Variants in WRNIP1 observed in about 807,000 individuals in gnomAD.
The protein encoded by WRNIP1 is WRN helicase interacting protein 1.
In WRNIP1, 41 loss-of-function variants were observed where a neutral mutation model predicts 56.1. The observed-to-expected ratio is 0.73, with a 90% CI of 0.57 to 0.95. The LOEUF (loss-of-function observed/expected upper bound fraction) is 0.95, where lower values mean the gene tolerates loss of function less well. Among genes scored for constraint, WRNIP1 ranks in the 40% least tolerant of loss-of-function variants. The pLI is 0.00. For synonymous variants in WRNIP1, 547 were observed against 398.1 expected (o/e 1.37, Z -4.45); for missense variants, 1,170 against 939.4 (o/e 1.25, Z -3.21).
intron 3 of WRNIP1, among the ~76,000 whole-genome samples, chr6:2,775,596 A>G (rs2113471063): frequency 6.6e-6 from 1 of 152,352 alleles, no homozygotes; most frequent in African/African-American, 2.4e-5. Flanking sequence ...TCTCCAACTT[A>G]CATATCCAGC....
At chr6:2,775,404 A>C (rs902788353) in intron 3 of WRNIP1, among the ~76,000 whole-genome samples, 1 of 152,228 alleles carries the variant, frequency 6.6e-6, no homozygotes. Flanking sequence ...AACTTGATGC[A>C]TATCCCTGGT....
chr6:2,772,501 G>A (rs146952068), intron 3 of WRNIP1, among the ~76,000 whole-genome samples: 3 of 152,298 alleles, frequency 2.0e-5, no homozygotes, highest in African/African-American at 2.4e-5. Flanking sequence ...CCTAGCTTTC[G>A]ATATGAGAAA....
At chr6:2,781,524 C>G (rs929421982) in intron 4 of WRNIP1, among the ~76,000 whole-genome samples, 1 of 152,172 alleles carries the variant, frequency 6.6e-6, no homozygotes, top group Non-Finnish European at 1.5e-5. Flanking sequence ...TTTTATAACT[C>G]CAGTGAGACA....
chr6:2,765,605 G>A lies in WRNIP1; in HGVS notation c.-18G>A. 1.3e-6 allele frequency: 2 copies of A among 1,500,648 alleles called. No individual in the cohort carries two copies. The highest frequency in any genetic ancestry group is 1.5e-5 in the African/African-American group (1 of 68,922). The allele number at this position is 1,500,648 out of a possible 1,614,324, so 93.0% of individuals were successfully genotyped here. A position where few individuals can be genotyped will look rare whatever the true frequency, so the allele number is the denominator to read the frequency against. On this transcript the variant is annotated 5_prime_UTR_variant, in exon 1 of 7. Transcript: ENST00000380773. ...GTTGCTGCGGCCGCGCCGGGCGCCG[G>A]GGAGGGCGGCGGCCGCCATGGAGGT...
At chr6:2,770,762 T>C (rs1169140677) in intron 3 of WRNIP1, among the ~76,000 whole-genome samples, 2 of 152,218 alleles carry the variant, frequency 1.3e-5, no homozygotes, top group East Asian at 3.9e-4. Context: ...TTTTGAGCAT[T>C]GTACTCATGT....
chr6:2,783,619 A>C, intron 5 of WRNIP1, 58 bp downstream of exon 5: 1 of 705,030 alleles, frequency 1.4e-6, no homozygotes, highest in Non-Finnish European at 1.8e-6. Flanking sequence ...GAAATGGCTA[A>C]CAGTTACATC....
intron 2 of WRNIP1, 149 bp downstream of exon 2, chr6:2,769,031 C>A: frequency 2.8e-6 from 2 of 716,716 alleles, no homozygotes; most frequent in East Asian, 3.0e-5. Flanking sequence ...CCTATTTCTC[C>A]ATACATTTCT....
Position 2,768,780 on chromosome 6 carries a change from T to C in WRNIP1, c.912T>C (p.Asp304=), listed in dbSNP as rs1271194694. ...CTGCAACAAATGCCAAGACAAATGA[T>C]GTGCGAGATGTCATAAAACAAGCTC... ...TLSATNAKTN[D]VRDVIKQAQN... Residue 304 remains aspartate (D), a synonymous_variant, in exon 2 of 7, where the codon GAT becomes GAC. Coordinates refer to ENST00000380773, the MANE Select transcript of WRNIP1 (RefSeq NM_020135.3). 4.3e-6 allele frequency: 7 copies of C among 1,614,020 alleles called. No individual in the cohort carries two copies. The East Asian group carries it at 1.3e-4, about 31-fold the overall frequency.
intron 3 of WRNIP1, chr6:2,773,387 A>G (rs1765355768): frequency 5.1e-6 from 5 of 985,430 alleles, no homozygotes; most frequent in Non-Finnish European, 6.0e-6. Flanking sequence ...CATTCAGAAT[A>G]TGTGAAATCC....
At chr6:2,766,478 T>C (rs1410831895) in intron 1 of WRNIP1, 34 bp downstream of exon 1, 1 of 1,467,572 alleles carries the variant, frequency 6.8e-7, no homozygotes, top group Admixed American at 2.2e-5. Context: ...GCTTCCGTAG[T>C]TATCTCGGCG....
Position 2,766,107 on chromosome 6 carries a change from C to A in WRNIP1, c.485C>A (p.Ala162Glu). The change falls in exon 1 of 7, where the codon GCG becomes GAG. Residue 162 changes from alanine to glutamate, a missense_variant. By Grantham distance (107) the Ala-to-Glu change is moderately radical. Coordinates refer to ENST00000380773, the MANE Select transcript of WRNIP1 (RefSeq NM_020135.3). ...CCGCGCAGCTGGGACGAGGCGGAGG[C>A]GCAGGAGGAGGAGGAGGCCGTGGGC... ...ASPRSWDEAE[A>E]QEEEEAVGDG... 2 of 1,318,446 alleles carry A rather than the reference C, an allele frequency of 1.5e-6. No individual in the cohort carries two copies. The highest frequency in any genetic ancestry group is 1.9e-6 in the Non-Finnish European group (2 of 1,041,968). 81.7% of individuals were successfully genotyped at this position (1,318,446 alleles called of 1,614,324 possible). A position where few individuals can be genotyped will look rare whatever the true frequency, so the allele number is the denominator to read the frequency against.
intron 3 of WRNIP1, among the ~76,000 whole-genome samples, chr6:2,777,243 A>C (rs983049014): frequency 6.6e-6 from 1 of 152,216 alleles, no homozygotes; most frequent in Non-Finnish European, 1.5e-5. Context: ...TAGTCCATTC[A>C]TTTTGCAAAT....
intron 3 of WRNIP1, chr6:2,773,720 G>A (rs1240966687): frequency 7.1e-6 from 7 of 984,140 alleles, no homozygotes; most frequent in African/African-American, 3.5e-5. Flanking sequence ...TGCTTTGAAG[G>A]AATATAGATT....
At chr6:2,770,655 C>G (rs564466867) in intron 3 of WRNIP1, among the ~76,000 whole-genome samples, 2 of 152,146 alleles carry the variant, frequency 1.3e-5, no homozygotes, top group Non-Finnish European at 2.9e-5. Flanking sequence ...GCTTAGGCTT[C>G]TATGGGAAGC....
intron 3 of WRNIP1, 85 bp downstream of exon 3, chr6:2,770,446 T>TGAG (rs1441468344): frequency 6.4e-7 from 1 of 1,560,950 alleles, no homozygotes; most frequent in Non-Finnish European, 8.7e-7. Flanking sequence ...CGGGCGTCAG[T>TGAG]GAGGAGAGGG....
intron 3 of WRNIP1, 51 bp from the exon 4 acceptor site, chr6:2,779,212 A>G (rs749932089): frequency 6.3e-7 from 1 of 1,580,078 alleles, no homozygotes; most frequent in East Asian, 2.2e-5. Flanking sequence ...TGTGCAGAAC[A>G]AGAAGTATGC....
intron 3 of WRNIP1, chr6:2,772,949 T>C (rs952904957): frequency 4.1e-6 from 4 of 984,640 alleles, no homozygotes; most frequent in Non-Finnish European, 3.6e-6. Context: ...AAGCTATTGG[T>C]GTGCATTTGT....
chr6:2,766,457 T>A lies in WRNIP1; in HGVS notation c.822+13T>A. On this transcript the variant is annotated intron_variant, in intron 1 of 6. Coordinates refer to ENST00000380773, the MANE Select transcript of WRNIP1 (RefSeq NM_020135.3). The stretch of plus-strand genomic sequence containing the variant: ...GGGCTGCGGCAAGGTGAGTGCGGCC[T>A]TGGCCGTTGGGCTTCCGTAGTTATC... 1 of 1,502,328 alleles carries A rather than the reference T, an allele frequency of 6.7e-7. No homozygotes were observed. Among genetic ancestry groups the A allele is most frequent in the Non-Finnish European group, 9.0e-7 (1 of 1,113,052 alleles). 93.1% of individuals were successfully genotyped at this position (1,502,328 alleles called of 1,614,324 possible).
intron 4 of WRNIP1, 37 bp downstream of exon 4, chr6:2,779,529 G>C: frequency 1.3e-6 from 2 of 1,581,074 alleles, no homozygotes; most frequent in Non-Finnish European, 1.7e-6. Context: ...GAAACCATAC[G>C]GAAAGAAGTG....
Sources: allele counts gnomAD v4.1 joint callset (sites outside exome capture counted in the v4.1 genomes callset), GRCh38; gene constraint gnomAD v4.1.1; transcripts MANE v1.5; gene names NCBI Gene and HGNC (gene_info 2026-07-23, HGNC 2026-07-21).